Variants in ADAM12 observed in about 807,000 individuals in gnomAD.
ADAM12 encodes ADAM metallopeptidase domain 12.
In ADAM12, 70 loss-of-function variants were observed where a neutral mutation model predicts 106.4. That is an observed-to-expected ratio of 0.66 (90% confidence interval 0.54 to 0.80). The LOEUF is 0.80. ADAM12 is among the 30% of genes least tolerant of loss of function. ADAM12 has a pLI of 0.00. For synonymous variants in ADAM12, 420 were observed against 433.5 expected (o/e 0.97, Z 0.39); for missense variants, 1,010 against 1,171.9 (o/e 0.86, Z 2.02).
intron 11 of ADAM12, among the ~76,000 whole-genome samples, chr10:126,077,363 T>A (rs1037403000): frequency 6.6e-6 from 1 of 152,098 alleles, no homozygotes; most frequent in Non-Finnish European, 1.5e-5. Context: ...TAAATAACAA[T>A]GTAATTTTTC....
At chr10:126,185,763 C>A (rs189097704) in intron 3 of ADAM12, among the ~76,000 whole-genome samples, 3 of 152,068 alleles carry the variant, frequency 2.0e-5, no homozygotes, top group Admixed American at 6.5e-5. Context: ...CCGGCCTGGG[C>A]AGCCCAATGC....
At chr10:126,076,006 G>A (rs191779258) in intron 11 of ADAM12, among the ~76,000 whole-genome samples, 2 of 152,254 alleles carry the variant, frequency 1.3e-5, no homozygotes, top group Admixed American at 6.5e-5. Context: ...CATGATGCTG[G>A]GGTCTGGGGT....
intron 5 of ADAM12, among the ~76,000 whole-genome samples, chr10:126,131,587 G>A (rs1292862518): frequency 6.6e-6 from 1 of 152,120 alleles, no homozygotes; most frequent in Non-Finnish European, 1.5e-5. Context: ...GCCCTTATAA[G>A]GGACACCAGA....
intron 3 of ADAM12, among the ~76,000 whole-genome samples, chr10:126,185,754 C>T (rs574433583): frequency 3.6e-4 from 55 of 152,034 alleles, no homozygotes; most frequent in African/African-American, 1.3e-3. Context: ...GGAGCTACAC[C>T]GGCCTGGGCA....
At position 126,321,408 on chromosome 10, in the gene ADAM12, TATG is replaced by T. The variant is rs1393365612; in HGVS notation, c.186+9001_186+9003del. ...CGATTCAATAAAAACAATTTAAAAGTATGATATTAAGGCCTTGCTAAGAGGTCA... is the reference window on the plus strand; with the variant it reads ...CGATTCAATAAAAACAATTTAAAAGTATATTAAGGCCTTGCTAAGAGGTCA... On this transcript the variant is annotated intron_variant, in intron 2 of 22. Transcript: ENST00000448723. Among the ~76,000 whole-genome samples, 8 of 152,240 alleles carry T rather than the reference TATG, an allele frequency of 5.3e-5. No homozygotes were observed. In the South Asian group the frequency reaches 1.5e-3, roughly 28 times the overall value.
intron 2 of ADAM12, among the ~76,000 whole-genome samples, chr10:126,321,224 T>C (rs144094443): frequency 1.2e-3 from 188 of 152,312 alleles, no homozygotes; most frequent in African/African-American, 4.2e-3. Flanking sequence ...AAAATATATT[T>C]TACAATTTCT....
chr10:126,188,773 A>G (rs1957445131), intron 3 of ADAM12, among the ~76,000 whole-genome samples: 1 of 151,858 alleles, frequency 6.6e-6, no homozygotes, highest in Non-Finnish European at 1.5e-5. Flanking sequence ...CCATTTATCC[A>G]TCCATCTATC....
chr10:126,019,640 T>C, intron 22 of ADAM12, 55 bp downstream of exon 22: 1 of 1,588,320 alleles, frequency 6.3e-7, no homozygotes, highest in Non-Finnish European at 8.6e-7. Context: ...TTAGTCGTGG[T>C]TGGTCCCACA....
rs1226532576 is a variant in ADAM12, at chr10:126,064,494, C to T, written c.1609+312G>A. Among the ~76,000 whole-genome samples, 2 of 152,150 alleles carry T rather than the reference C, an allele frequency of 1.3e-5. No individual in the cohort carries two copies. Among genetic ancestry groups the T allele is most frequent in the East Asian group, 3.8e-4 (2 of 5,196 alleles). ...GGTGCTCCTGCAGCTCCCGTATCTC[C>T]CGGGGCACACAGGTGCTCCTGCATC... On this transcript the variant is annotated intron_variant, in intron 14 of 22. Transcript: ENST00000448723. The surrounding 1 kb of genome is among the most constrained non-coding windows in gnomAD (Gnocchi z 4.4).
intron 2 of ADAM12, among the ~76,000 whole-genome samples, chr10:126,317,096 A>G (rs1376743407): frequency 6.6e-6 from 1 of 152,168 alleles, no homozygotes; most frequent in Non-Finnish European, 1.5e-5. Context: ...TTGCCTCCAT[A>G]TACAGAAACA....
At chr10:126,270,676 C>T (rs1205636928) in intron 3 of ADAM12, among the ~76,000 whole-genome samples, 1 of 152,104 alleles carries the variant, frequency 6.6e-6, no homozygotes, top group Non-Finnish European at 1.5e-5. Context: ...AGGCATTGCC[C>T]CTTTTAACAA....
chr10:126,232,107 C>A (rs1013283238), intron 3 of ADAM12, among the ~76,000 whole-genome samples: 1 of 152,074 alleles, frequency 6.6e-6, no homozygotes. Flanking sequence ...ATTCCTGGAA[C>A]CTGTGAATCT....
intron 1 of ADAM12, among the ~76,000 whole-genome samples, chr10:126,347,778 CTTAT>C (rs952251527): frequency 2.0e-4 from 31 of 151,986 alleles, no homozygotes; most frequent in African/African-American, 6.5e-4. Flanking sequence ...CTGTTTTTCT[CTTAT>C]TTATTTGAAA....
intron 2 of ADAM12, among the ~76,000 whole-genome samples, chr10:126,292,860 A>AAAAAAT (rs1432751474): frequency 4.6e-5 from 7 of 152,238 alleles, no homozygotes; most frequent in Non-Finnish European, 7.3e-5. Context: ...AAAAAGGTAA[A>AAAAAAT]AAAAATAAAA....
At chr10:126,239,228 A>G (rs1269233759) in intron 3 of ADAM12, among the ~76,000 whole-genome samples, 1 of 152,248 alleles carries the variant, frequency 6.6e-6, no homozygotes, top group African/African-American at 2.4e-5. Context: ...TCTAGATAAC[A>G]GGTGGGATAT....
chr10:126,369,327 T>C (rs77597998), intron 1 of ADAM12, among the ~76,000 whole-genome samples: 9 of 152,282 alleles, frequency 5.9e-5, no homozygotes, highest in Admixed American at 5.9e-4. Context: ...GAGAATAAGA[T>C]GGATGTGGTC....
rs541670488 is a variant in ADAM12, at chr10:126,201,755, G to A, written c.261-46450C>T. Among the ~76,000 whole-genome samples the A allele has an allele frequency of 5.3e-5, 8 of 152,180 alleles. No homozygotes were observed. The East Asian group carries it at 7.7e-4, about 15-fold the overall frequency. On this transcript the variant is annotated intron_variant, in intron 3 of 22. Coordinates refer to ENST00000448723, the MANE Select transcript of ADAM12 (RefSeq NM_001288973.2). Reference sequence around the variant, plus strand: ...TGGATCAAAGACCTGGAGATACAACGGTGAAATGAAGAAAGAAAAAGGGAA... The same window carrying A: ...TGGATCAAAGACCTGGAGATACAACAGTGAAATGAAGAAAGAAAAAGGGAA...
intron 14 of ADAM12, among the ~76,000 whole-genome samples, chr10:126,062,298 C>A (rs1309747001): frequency 6.6e-6 from 1 of 152,162 alleles, no homozygotes; most frequent in Non-Finnish European, 1.5e-5. Context: ...CACCACCCAC[C>A]ACCACCCCAG....
At chr10:126,033,939 G>T (rs544513400) in intron 21 of ADAM12, among the ~76,000 whole-genome samples, 1 of 152,232 alleles carries the variant, frequency 6.6e-6, no homozygotes, top group Admixed American at 6.5e-5. Context: ...CTACAGATTT[G>T]CTTTAAAAAA....
Sources: gnomAD v4.1 joint callset for allele counts (sites outside exome capture counted in the v4.1 genomes callset) on GRCh38, gnomAD v4.1.1 for gene constraint, Gnocchi (gnomAD v3.1) non-coding constraint, MANE v1.5 for transcripts, NCBI Gene and HGNC (gene_info 2026-07-23, HGNC 2026-07-21) for gene names.